The following GPM6B variants were observed in gnomAD, a reference collection of about 807,000 sequenced individuals.
GPM6B encodes the protein neuronal membrane glycoprotein M6-b.
GPM6B carries 4 observed loss-of-function variants against 27.2 expected under a neutral mutation model. The observed-to-expected ratio is 0.15, with a 90% CI of 0.07 to 0.34. The LOEUF (loss-of-function observed/expected upper bound fraction) is 0.34, where lower values mean the gene tolerates loss of function less well. GPM6B is among the 10% of genes least tolerant of loss of function. The probability of loss-of-function intolerance (pLI) is 1.00; values close to 1 mark genes in which losing one functional copy is unlikely to be tolerated. For missense variants in GPM6B, 183 were observed against 261.9 expected (o/e 0.70, Z 2.08); for synonymous variants, 124 against 103.1 (o/e 1.20, Z -1.23).
At chrX:13,812,473 T>C (rs1370360575) in intron 1 of GPM6B, among the ~76,000 whole-genome samples, 1 of 111,663 alleles carries the variant, frequency 9.0e-6, no homozygotes, top group Non-Finnish European at 1.9e-5. Flanking sequence ...TCCATGGCCA[T>C]CCCTACTCCT....
At chrX:13,888,285 A>G (rs1202445169) in intron 1 of GPM6B, among the ~76,000 whole-genome samples, 1 of 112,300 alleles carries the variant, frequency 8.9e-6, no homozygotes, top group Non-Finnish European at 1.9e-5. Flanking sequence ...CAGATCTTCC[A>G]ATGTACATGC....
Position 13,789,066 on chromosome X carries a change from G to A in GPM6B, c.182-3258C>T, listed in dbSNP as rs750488505. On this transcript the variant is annotated intron_variant, in intron 2 of 7. Transcript: ENST00000316715. Reference sequence around the variant, plus strand: ...CCACTGGCACAGATAAAACTCTTACGGACTGTGCCAGCCAACATGACTAGA... The same window carrying A: ...CCACTGGCACAGATAAAACTCTTACAGACTGTGCCAGCCAACATGACTAGA... 3.6e-5 allele frequency among the ~76,000 whole-genome samples: 4 copies of A among 111,724 alleles called. No homozygotes were observed. The South Asian group carries it at 1.1e-3, about 31-fold the overall frequency.
intron 1 of GPM6B, among the ~76,000 whole-genome samples, chrX:13,851,637 GAA>G (rs10668416): frequency 4.9e-5 from 5 of 101,234 alleles, no homozygotes; most frequent in African/African-American, 1.8e-4. Flanking sequence ...GGCATGCAAT[GAA>G]AAAAAAAAAA....
chrX:13,856,815 G>A (rs1034852152), intron 1 of GPM6B, among the ~76,000 whole-genome samples: 2 of 108,444 alleles, frequency 1.8e-5, no homozygotes, highest in Non-Finnish European at 3.8e-5. Flanking sequence ...TCCCCCTGCC[G>A]CAGCCTCCCA....
At chrX:13,890,108 C>T (rs1182948307) in intron 1 of GPM6B, among the ~76,000 whole-genome samples, 2 of 111,165 alleles carry the variant, frequency 1.8e-5, no homozygotes, top group African/African-American at 6.6e-5. Flanking sequence ...GGATGAGATA[C>T]GAGGTCGGCA....
intron 1 of GPM6B, among the ~76,000 whole-genome samples, chrX:13,836,373 T>G (rs1274157414): frequency 8.9e-6 from 1 of 111,977 alleles, no homozygotes; most frequent in African/African-American, 3.2e-5. Context: ...GCTTAATCAT[T>G]TAATACCTGC....
chrX:13,916,162 G>A (rs2147062538), intron 1 of GPM6B, among the ~76,000 whole-genome samples: 1 of 111,521 alleles, frequency 9.0e-6, no homozygotes, highest in South Asian at 3.8e-4. Flanking sequence ...GACCAAGGGA[G>A]GTTGTCTGAG....
chrX:13,809,914 G>GT lies in GPM6B; in HGVS notation c.62-2146_62-2145insA, dbSNP rs1175047313. Among the ~76,000 whole-genome samples the GT allele has an allele frequency of 3.0e-4, 7 of 23,537 alleles. No individual in the cohort carries two copies. The South Asian group carries it at 0.018, about 61-fold the overall frequency. The allele number at this position is 23,537 out of a possible 115,157, so 20.4% of individuals were successfully genotyped here. ...ATCGCGCCACTGCATTCCAGCCTGGGCAAAAAAAAAAAAAAAAAGAGTAAA... is the reference window on the plus strand; with the variant it reads ...ATCGCGCCACTGCATTCCAGCCTGGGTCAAAAAAAAAAAAAAAAAGAGTAAA... On this transcript the variant is annotated intron_variant, in intron 1 of 7. Coordinates refer to ENST00000316715, the MANE Select transcript of GPM6B (RefSeq NM_001001995.3).
intron 1 of GPM6B, among the ~76,000 whole-genome samples, chrX:13,851,249 A>G (rs2049715056): frequency 9.0e-6 from 1 of 110,503 alleles, no homozygotes; most frequent in Non-Finnish European, 1.9e-5. Flanking sequence ...TGAAGTATGG[A>G]ACAGAATATA....
intron 1 of GPM6B, among the ~76,000 whole-genome samples, chrX:13,926,265 G>A (rs1243752458): frequency 2.0e-5 from 2 of 99,170 alleles, no homozygotes; most frequent in Non-Finnish European, 4.1e-5. Context: ...AAAATTAGCC[G>A]GGCGTAGTGG....
At chrX:13,864,437 A>G (rs1198297072) in intron 1 of GPM6B, among the ~76,000 whole-genome samples, 1 of 112,757 alleles carries the variant, frequency 8.9e-6, no homozygotes, top group Non-Finnish European at 1.9e-5. Context: ...GGACACTGAC[A>G]TGACTTGCAC....
At chrX:13,823,199 G>C (rs1276899602) in intron 1 of GPM6B, among the ~76,000 whole-genome samples, 1 of 112,345 alleles carries the variant, frequency 8.9e-6, no homozygotes, top group Admixed American at 9.4e-5. Flanking sequence ...AAATCAAACT[G>C]GTTGGTGTAT....
intron 1 of GPM6B, among the ~76,000 whole-genome samples, chrX:13,841,790 G>A (rs2049578783): frequency 1.8e-5 from 2 of 111,557 alleles, no homozygotes; most frequent in South Asian, 7.6e-4. Flanking sequence ...CTTAATAGAT[G>A]GGCTGGCTAT....
At chrX:13,885,008 T>C (rs1451123702) in intron 1 of GPM6B, among the ~76,000 whole-genome samples, 1 of 111,821 alleles carries the variant, frequency 8.9e-6, no homozygotes, top group African/African-American at 3.3e-5. Context: ...ATAACATTTG[T>C]TGGGCATCTC....
At chrX:13,843,756 CTTTATT>C (rs1359587346) in intron 1 of GPM6B, among the ~76,000 whole-genome samples, 4 of 111,808 alleles carry the variant, frequency 3.6e-5, no homozygotes, top group African/African-American at 1.3e-4. Context: ...CTATCACATC[CTTTATT>C]TTTATTTTGG....
At chrX:13,919,547 T>C (rs1158570934) in intron 1 of GPM6B, among the ~76,000 whole-genome samples, 1 of 112,240 alleles carries the variant, frequency 8.9e-6, no homozygotes, top group Non-Finnish European at 1.9e-5. Flanking sequence ...TGTATAAACA[T>C]AAGCACCTGA....
chrX:13,921,403 A>G (rs1212981629), intron 1 of GPM6B, among the ~76,000 whole-genome samples: 2 of 111,869 alleles, frequency 1.8e-5, no homozygotes, highest in African/African-American at 6.5e-5. Context: ...CTTAGCCCAC[A>G]GGGGTTCTTG....
intron 1 of GPM6B, among the ~76,000 whole-genome samples, chrX:13,892,464 A>C (rs1020982593): frequency 8.9e-6 from 1 of 112,009 alleles, no homozygotes; most frequent in South Asian, 3.7e-4. Flanking sequence ...CACACAATCA[A>C]TTTCTGTCCA....
intron 1 of GPM6B, among the ~76,000 whole-genome samples, chrX:13,865,392 C>G (rs1043509704): frequency 1.9e-5 from 2 of 107,071 alleles, no homozygotes; most frequent in African/African-American, 6.7e-5. Context: ...AAAGAGGTCA[C>G]GGGCCAAATT....
Sources: gnomAD v4.1 joint callset for allele counts (sites outside exome capture counted in the v4.1 genomes callset) on GRCh38, gnomAD v4.1.1 for gene constraint, MANE v1.5 for transcripts, NCBI Gene and HGNC (gene_info 2026-07-23, HGNC 2026-07-21) for gene names.